Variants in CDH4 observed in about 807,000 individuals in gnomAD.
The protein encoded by CDH4 is cadherin-4.
CDH4 carries 33 observed loss-of-function variants against 86.0 expected under a neutral mutation model. The observed-to-expected ratio is 0.38, with a 90% CI of 0.29 to 0.51. CDH4 has a LOEUF of 0.51. CDH4 is among the 20% of genes least tolerant of loss of function. CDH4 has a pLI of 0.86. For missense variants in CDH4, 1,114 were observed against 1,307.4 expected (o/e 0.85, Z 2.28); for synonymous variants, 555 against 549.4 (o/e 1.01, Z -0.14).
chr20:61,311,982 C>T (rs1307447811), intron 2 of CDH4, among the ~76,000 whole-genome samples: 2 of 152,248 alleles, frequency 1.3e-5, no homozygotes, highest in Non-Finnish European at 2.9e-5. Flanking sequence ...TGTTTACATG[C>T]CTGCATGTGT....
chr20:61,869,828 G>A (rs1452005638), intron 6 of CDH4, among the ~76,000 whole-genome samples: 2 of 152,222 alleles, frequency 1.3e-5, no homozygotes, highest in Admixed American at 1.3e-4. Context: ...GGCCTTCGGG[G>A]ACCGAGGAGT....
At position 61,829,805 on chromosome 20, in the gene CDH4, G is replaced by A. The variant is rs1278538288; in HGVS notation, c.577-14863G>A. On this transcript the variant is annotated intron_variant, in intron 4 of 15. Coordinates refer to ENST00000614565, the MANE Select transcript of CDH4 (RefSeq NM_001794.5). This position sits in a 1 kb window ranked among gnomAD's most constrained non-coding sequence, Gnocchi z 4.2. ...ATGGCTCTGCCCCCAGGGAGTCTGT[G>A]CAGCCCTCCTCCAGACCCCAGTCCC... 6.6e-6 allele frequency among the ~76,000 whole-genome samples: 1 copy of A among 152,056 alleles called. No individual in the cohort carries two copies. Among genetic ancestry groups the A allele is most frequent in the Non-Finnish European group, 1.5e-5 (1 of 67,978 alleles).
intron 2 of CDH4, among the ~76,000 whole-genome samples, chr20:61,608,836 G>A (rs180716704): frequency 2.0e-5 from 3 of 152,232 alleles, no homozygotes; most frequent in East Asian, 3.9e-4. Context: ...TGGTGAGCAC[G>A]ACCTCCTAGA....
intron 2 of CDH4, among the ~76,000 whole-genome samples, chr20:61,423,629 G>C (rs1475330853): frequency 6.6e-6 from 1 of 151,272 alleles, no homozygotes; most frequent in African/African-American, 2.4e-5. Flanking sequence ...GATTTTTTTT[G>C]TTCATGACTG....
chr20:61,725,857 T>A (rs1227785130), intron 2 of CDH4, among the ~76,000 whole-genome samples: 1 of 152,188 alleles, frequency 6.6e-6, no homozygotes, highest in Non-Finnish European at 1.5e-5. Flanking sequence ...TGCAAGTGAT[T>A]TCATTAGCTC....
intron 2 of CDH4, among the ~76,000 whole-genome samples, chr20:61,400,445 T>C (rs745976616): frequency 6.6e-6 from 1 of 152,214 alleles, no homozygotes; most frequent in Non-Finnish European, 1.5e-5. Context: ...CAGTCCTCCT[T>C]GCAGCCTAGA....
In CDH4 at chr20:61,509,469, TGGA is replaced by T. The variant is rs898907479; in HGVS notation, c.170-234079_170-234077del. ...GTCGAGGGTATCAAGCCAGGCTTCC[TGGA>T]GGAGGAGGAGGAGGCATTCGAGATG... On this transcript the variant is annotated intron_variant, in intron 2 of 15. Transcript: ENST00000614565. Among the ~76,000 whole-genome samples the T allele has an allele frequency of 2.2e-4, 32 of 148,238 alleles. 1 individual carries two copies. The South Asian group carries it at 2.2e-3, about 10-fold the overall frequency.
At chr20:61,531,232 G>C (rs1451537288) in intron 2 of CDH4, among the ~76,000 whole-genome samples, 3 of 152,168 alleles carry the variant, frequency 2.0e-5, no homozygotes, top group African/African-American at 7.2e-5. Flanking sequence ...AGTACCTTGG[G>C]AGGCCGAGAC....
chr20:61,300,382 A>G (rs913667361), intron 2 of CDH4, among the ~76,000 whole-genome samples: 2 of 151,998 alleles, frequency 1.3e-5, no homozygotes, highest in African/African-American at 4.8e-5. Context: ...GCTCCCGGGA[A>G]CCTGGGAGTC....
intron 2 of CDH4, among the ~76,000 whole-genome samples, chr20:61,569,933 C>T (rs2086329529): frequency 6.6e-6 from 1 of 152,102 alleles, no homozygotes; most frequent in Admixed American, 6.5e-5. Flanking sequence ...GAATTGAGGG[C>T]CTCATTCGAA....
chr20:61,791,298 C>A (rs1979187386), intron 4 of CDH4, among the ~76,000 whole-genome samples: 1 of 152,214 alleles, frequency 6.6e-6, no homozygotes, highest in African/African-American at 2.4e-5. Context: ...TGAAGCCTAG[C>A]CCTGAGGAAG....
Position 61,332,564 on chromosome 20 carries a change from C to G in CDH4, c.169+77627C>G, listed in dbSNP as rs186871442. 2.7e-3 allele frequency among the ~76,000 whole-genome samples: 407 copies of G among 152,328 alleles called. 5 individuals carry two copies. The highest frequency in any genetic ancestry group is 0.015 in the South Asian group (70 of 4,824). ...CGCCTCTGTGCCTTTCCTGCCCCAC[C>G]CTGGGCAGCAGGCACTAGGGCCAGG... On this transcript the variant is annotated intron_variant, in intron 2 of 15. Transcript: ENST00000614565.
intron 2 of CDH4, among the ~76,000 whole-genome samples, chr20:61,656,998 G>A (rs1260244041): frequency 1.3e-5 from 2 of 152,206 alleles, no homozygotes; most frequent in African/African-American, 4.8e-5. Flanking sequence ...TACAGCTGAG[G>A]CCCCCAGAGG....
At chr20:61,733,148 T>G (rs933564856) in intron 2 of CDH4, among the ~76,000 whole-genome samples, 7 of 152,114 alleles carry the variant, frequency 4.6e-5, no homozygotes, top group African/African-American at 1.7e-4. Flanking sequence ...AAGGGCAGTC[T>G]CCTGGGACGC....
intron 2 of CDH4, among the ~76,000 whole-genome samples, chr20:61,265,176 A>T (rs571422594): frequency 2.6e-4 from 37 of 142,760 alleles, no homozygotes; most frequent in Middle Eastern, 4.3e-3. Context: ...TCAATCTTAC[A>T]CATACCTCAG....
chr20:61,734,374 A>G (rs1396328153), intron 2 of CDH4, among the ~76,000 whole-genome samples: 1 of 152,212 alleles, frequency 6.6e-6, no homozygotes, highest in East Asian at 1.9e-4. Flanking sequence ...CCAGGCTCGG[A>G]ACGGGGAGTT....
intron 4 of CDH4, among the ~76,000 whole-genome samples, chr20:61,801,139 C>T (rs6121809): frequency 6.6e-6 from 1 of 151,986 alleles, no homozygotes; most frequent in Non-Finnish European, 1.5e-5. Flanking sequence ...GGGGCTCCTG[C>T]CTCCCGTTGG....
intron 2 of CDH4, among the ~76,000 whole-genome samples, chr20:61,277,116 T>C (rs1418387478): frequency 6.6e-6 from 1 of 152,156 alleles, no homozygotes; most frequent in African/African-American, 2.4e-5. Context: ...CCTTCCCTCA[T>C]GTGTTCCTTT....
chr20:61,314,347 T>A (rs142186765), intron 2 of CDH4, among the ~76,000 whole-genome samples: 3 of 152,346 alleles, frequency 2.0e-5, no homozygotes, highest in East Asian at 3.9e-4. Flanking sequence ...AGATTCCACG[T>A]AGAAGTGAGA....
Sources: allele counts gnomAD v4.1 joint callset (sites outside exome capture counted in the v4.1 genomes callset), GRCh38; gene constraint gnomAD v4.1.1; non-coding constraint Gnocchi (gnomAD v3.1); transcripts MANE v1.5; gene names NCBI Gene and HGNC (gene_info 2026-07-23, HGNC 2026-07-21).